The following RAPH1 variants were observed in gnomAD, a reference collection of about 807,000 sequenced individuals.
RAPH1 encodes Ras association (RalGDS/AF-6) and pleckstrin homology domains 1.
Under a neutral mutation model 88.1 loss-of-function variants are expected in RAPH1, and 18 were observed. The ratio of observed to expected loss-of-function variants is 0.20; its 90% CI spans 0.14 to 0.30. The LOEUF (loss-of-function observed/expected upper bound fraction) is 0.30. Among genes scored for constraint, RAPH1 ranks in the 10% least tolerant of loss-of-function variants. RAPH1 has a pLI of 1.00. For synonymous variants in RAPH1, 587 were observed against 559.0 expected (o/e 1.05, Z -0.71); for missense variants, 1,448 against 1,543.2 (o/e 0.94, Z 1.03).
chr2:203,505,128 C>A (rs1039782483), intron 1 of RAPH1, among the ~76,000 whole-genome samples: 3 of 152,186 alleles, frequency 2.0e-5, no homozygotes, highest in African/African-American at 7.2e-5. Context: ...GACACTTCTA[C>A]GTTTTTGGGT....
chr2:203,456,272 T>C (rs999950273), intron 8 of RAPH1, among the ~76,000 whole-genome samples: 3 of 152,200 alleles, frequency 2.0e-5, no homozygotes, highest in Non-Finnish European at 2.9e-5. Context: ...CTAAATTTAA[T>C]AAAACTGTCA....
chr2:203,463,518 A>G (rs2153642892), intron 4 of RAPH1, among the ~76,000 whole-genome samples: 1 of 152,324 alleles, frequency 6.6e-6, no homozygotes, highest in South Asian at 2.1e-4. Context: ...TGGAACAGAG[A>G]AGAAAACAGT....
intron 4 of RAPH1, among the ~76,000 whole-genome samples, chr2:203,467,687 C>T (rs748336577): frequency 1.3e-5 from 2 of 152,118 alleles, no homozygotes; most frequent in African/African-American, 4.8e-5. Flanking sequence ...GACTTGTGTA[C>T]GTGCAGGTTT....
intron 1 of RAPH1, among the ~76,000 whole-genome samples, chr2:203,522,499 GT>G (rs1244163441): frequency 1.3e-5 from 2 of 152,078 alleles, no homozygotes; most frequent in Non-Finnish European, 2.9e-5. Context: ...AATGAACTAG[GT>G]ATTCAATGTA....
chr2:203,465,594 A>G (rs2098527824), intron 4 of RAPH1, among the ~76,000 whole-genome samples: 1 of 152,244 alleles, frequency 6.6e-6, no homozygotes, highest in South Asian at 2.1e-4. Flanking sequence ...TATGCATAGA[A>G]TGTACAACAC....
chr2:203,505,507 G>T (rs1012592753), intron 1 of RAPH1, among the ~76,000 whole-genome samples: 1 of 152,124 alleles, frequency 6.6e-6, no homozygotes, highest in African/African-American at 2.4e-5. Context: ...TGAGATTTGG[G>T]TGGGGACACA....
intron 4 of RAPH1, among the ~76,000 whole-genome samples, chr2:203,475,352 A>G (rs1188340612): frequency 6.6e-6 from 1 of 152,158 alleles, no homozygotes; most frequent in Non-Finnish European, 1.5e-5. Flanking sequence ...GCTTGCAGTG[A>G]GCCAAGATCG....
intron 4 of RAPH1, among the ~76,000 whole-genome samples, chr2:203,479,255 A>G (rs369321114): frequency 3.9e-5 from 6 of 152,328 alleles, no homozygotes; most frequent in Admixed American, 6.5e-5. Context: ...TCTGGACTCA[A>G]TCTTGCACAA....
chr2:203,464,453 A>G (rs1440370489), intron 4 of RAPH1, among the ~76,000 whole-genome samples: 1 of 152,090 alleles, frequency 6.6e-6, no homozygotes. Flanking sequence ...GTATTTTTAG[A>G]AGAGACAGGG....
In RAPH1 at chr2:203,494,478, T is replaced by C. The variant is rs1688422087; in HGVS notation, c.120+756A>G. 2.0e-5 allele frequency among the ~76,000 whole-genome samples: 3 copies of C among 152,008 alleles called. No individual in the cohort carries two copies. The South Asian group carries it at 6.2e-4, about 32-fold the overall frequency. ...ACTGTTTTAAAATGCAGCCCAGAAT[T>C]AGGTTTTGTCAGTATTCTACAATCA... On this transcript the variant is annotated intron_variant, in intron 2 of 13. Coordinates refer to ENST00000319170, the MANE Select transcript of RAPH1 (RefSeq NM_213589.3).
In RAPH1 at chr2:203,480,516, C is replaced by A. The variant is rs1365983610; in HGVS notation, c.732+9068G>T. Reference sequence around the variant, plus strand: ...TGAGCTGAGATTGCACCACTGCACTCCAGCCTAGGCAAAAGAGCAAGACCC... The same window carrying A: ...TGAGCTGAGATTGCACCACTGCACTACAGCCTAGGCAAAAGAGCAAGACCC... On this transcript the variant is annotated intron_variant, in intron 4 of 13. Coordinates refer to ENST00000319170, the MANE Select transcript of RAPH1 (RefSeq NM_213589.3). Among the ~76,000 whole-genome samples the A allele has an allele frequency of 3.3e-5, 5 of 151,942 alleles. No individual in the cohort carries two copies. The East Asian group carries it at 9.7e-4, about 29-fold the overall frequency.
intron 10 of RAPH1, among the ~76,000 whole-genome samples, chr2:203,451,677 A>G (rs998225958): frequency 6.6e-6 from 1 of 152,224 alleles, no homozygotes; most frequent in Admixed American, 6.5e-5. Context: ...ATTAAGAAAG[A>G]AAGGTCAACA....
chr2:203,445,527 T>G (rs996486409), intron 12 of RAPH1: 1 of 153,002 alleles, frequency 6.5e-6, no homozygotes, highest in African/African-American at 2.4e-5. Flanking sequence ...TCCTAGGGAT[T>G]TAGGTATTGG....
At position 203,434,016 on chromosome 2, in the gene RAPH1, T is replaced by C. The variant is rs1427910247; in HGVS notation, c.*5421A>G. On this transcript the variant is annotated 3_prime_UTR_variant, in exon 14 of 14. Transcript: ENST00000319170. ...AACATCCTCAGAAAAACATCCTCAG[T>C]AGTACTGAATATATCTCTCTCATAT... The C allele has an allele frequency of 6.6e-6, 1 of 151,314 alleles. No individual in the cohort carries two copies. Among genetic ancestry groups the C allele is most frequent in the Non-Finnish European group, 1.5e-5 (1 of 67,888 alleles). 9.4% of individuals were successfully genotyped at this position (151,314 alleles called of 1,614,324 possible). A position where few individuals can be genotyped will look rare whatever the true frequency, so the allele number is the denominator to read the frequency against.
chr2:203,497,719 C>T (rs1260422188), intron 1 of RAPH1, among the ~76,000 whole-genome samples: 2 of 152,062 alleles, frequency 1.3e-5, no homozygotes, highest in Admixed American at 6.6e-5. Flanking sequence ...GGTCATTCTA[C>T]CCTGGCAAGT....
At chr2:203,516,833 A>G (rs1294081180) in intron 1 of RAPH1, among the ~76,000 whole-genome samples, 1 of 152,168 alleles carries the variant, frequency 6.6e-6, no homozygotes, top group Non-Finnish European at 1.5e-5. Context: ...GGAGATCGAG[A>G]CCATCCTGGC....
chr2:203,469,748 C>T (rs377268483), intron 4 of RAPH1, among the ~76,000 whole-genome samples: 11 of 152,176 alleles, frequency 7.2e-5, no homozygotes, highest in South Asian at 6.2e-4. Flanking sequence ...GGCAGAGAAC[C>T]GGGCAATTAA....
rs2098496769 is a variant in RAPH1, at chr2:203,434,524, C to G, written c.*4913G>C. The G allele has an allele frequency of 6.7e-6, 1 of 148,852 alleles. No homozygotes were observed. The highest frequency in any genetic ancestry group is 6.7e-5 in the Admixed American group (1 of 14,954). 9.2% of individuals were successfully genotyped at this position (148,852 alleles called of 1,614,324 possible). A position where few individuals can be genotyped will look rare whatever the true frequency, so the allele number is the denominator to read the frequency against. Reference sequence around the variant, plus strand: ...TGAAGCAAAATTGTTTGAAACATTCCAGTTAATGCTTATTTTCTAGAAGGG... The same window carrying G: ...TGAAGCAAAATTGTTTGAAACATTCGAGTTAATGCTTATTTTCTAGAAGGG... On this transcript the variant is annotated 3_prime_UTR_variant, in exon 14 of 14. Coordinates refer to ENST00000319170, the MANE Select transcript of RAPH1 (RefSeq NM_213589.3).
At chr2:203,454,660 T>C (rs931068102) in intron 9 of RAPH1, 120 bp from the exon 10 acceptor site, 5 of 649,292 alleles carry the variant, frequency 7.7e-6, no homozygotes, top group African/African-American at 1.8e-5. Context: ...ATAGAAATTA[T>C]TGCTATTTAC....
Sources: gnomAD v4.1 joint callset for allele counts (sites outside exome capture counted in the v4.1 genomes callset) on GRCh38, gnomAD v4.1.1 for gene constraint, MANE v1.5 for transcripts, NCBI Gene and HGNC (gene_info 2026-07-23, HGNC 2026-07-21) for gene names.